The following PRKCE variants were observed in gnomAD, a reference collection of about 807,000 sequenced individuals.
The protein encoded by PRKCE is protein kinase C epsilon.
Under a neutral mutation model 85.4 loss-of-function variants are expected in PRKCE, and 16 were observed. That is an observed-to-expected ratio of 0.19 (90% CI 0.13 to 0.28). The LOEUF is 0.28. Among genes scored for constraint, PRKCE ranks in the 10% least tolerant of loss-of-function variants. The pLI is 1.00. For synonymous variants in PRKCE, 388 were observed against 371.5 expected (o/e 1.04, Z -0.51); for missense variants, 573 against 975.2 (o/e 0.59, Z 5.49).
chr2:45,721,709 C>G (rs371574356), intron 1 of PRKCE, among the ~76,000 whole-genome samples: 47 of 152,030 alleles, frequency 3.1e-4, no homozygotes, highest in African/African-American at 1.1e-3. Flanking sequence ...AACCCCATCT[C>G]CACAAAAAAA....
Position 45,651,784 on chromosome 2 carries a change from G to C in PRKCE, c.-317G>C. 8.8e-6 allele frequency: 2 copies of C among 228,192 alleles called. No individual in the cohort carries two copies. The highest frequency in any genetic ancestry group is 1.7e-5 in the Non-Finnish European group (2 of 116,624). The allele number at this position is 228,192 out of a possible 1,614,324, so 14.1% of individuals were successfully genotyped here. Reference sequence around the variant, plus strand: ...AGCGAGGCGGCGAGGCAGCCCCCGCGGCTTGCAGCGGAGCCGACAGCTCGT... The same window carrying C: ...AGCGAGGCGGCGAGGCAGCCCCCGCCGCTTGCAGCGGAGCCGACAGCTCGT... On this transcript the variant is annotated 5_prime_UTR_variant, in exon 1 of 15. Coordinates refer to ENST00000306156, the MANE Select transcript of PRKCE (RefSeq NM_005400.3).
In PRKCE at chr2:45,895,263, G is replaced by C. The variant is rs1388846590; in HGVS notation, c.412+52200G>C. Among the ~76,000 whole-genome samples the C allele has an allele frequency of 6.6e-6, 1 of 152,162 alleles. No homozygotes were observed. The highest frequency in any genetic ancestry group is 2.4e-5 in the African/African-American group (1 of 41,440). On this transcript the variant is annotated intron_variant, in intron 2 of 14. Transcript: ENST00000306156. This position sits in a 1 kb window ranked among gnomAD's most constrained non-coding sequence, Gnocchi z 4.8. ...ACTTCTGGCCACTGTCGGTTGTAGA[G>C]GTGCCCCTTCAGTACACACACAGCT...
At chr2:45,678,107 A>C (rs1045948270) in intron 1 of PRKCE, among the ~76,000 whole-genome samples, 3 of 152,126 alleles carry the variant, frequency 2.0e-5, no homozygotes, top group Non-Finnish European at 4.4e-5. Context: ...TGCCTTTCTC[A>C]CCAATTTCTT....
intron 1 of PRKCE, among the ~76,000 whole-genome samples, chr2:45,678,909 T>C (rs1676676001): frequency 6.6e-6 from 1 of 152,234 alleles, no homozygotes; most frequent in Non-Finnish European, 1.5e-5. Flanking sequence ...TTCATCCTTG[T>C]TGAGGCCTAG....
At chr2:45,743,748 G>A (rs1368181490) in intron 1 of PRKCE, among the ~76,000 whole-genome samples, 1 of 152,154 alleles carries the variant, frequency 6.6e-6, no homozygotes, top group Non-Finnish European at 1.5e-5. Flanking sequence ...ACTGTGTTTA[G>A]TCCAGATACT....
intron 2 of PRKCE, among the ~76,000 whole-genome samples, chr2:45,903,466 G>A (rs1696720793): frequency 6.6e-6 from 1 of 152,188 alleles, no homozygotes; most frequent in South Asian, 2.1e-4. Context: ...GGGAAGATGA[G>A]GCCGAAAGAC....
intron 1 of PRKCE, among the ~76,000 whole-genome samples, chr2:45,759,258 A>G (rs1423412226): frequency 6.6e-6 from 1 of 152,206 alleles, no homozygotes; most frequent in East Asian, 1.9e-4. Flanking sequence ...TCATGGTTTT[A>G]GTATGTCTTG....
chr2:45,667,190 A>C (rs185982222), intron 1 of PRKCE, among the ~76,000 whole-genome samples: 2,427 of 152,238 alleles, frequency 0.016, 67 homozygotes, highest in African/African-American at 0.056. Flanking sequence ...ACACACCTGT[A>C]ATCCCAGCTA....
At chr2:45,860,577 A>G (rs1032129549) in intron 2 of PRKCE, among the ~76,000 whole-genome samples, 2 of 152,114 alleles carry the variant, frequency 1.3e-5, no homozygotes, top group Non-Finnish European at 2.9e-5. Flanking sequence ...CTTTGTTACT[A>G]TAGGAACAAG....
chr2:45,706,510 G>A (rs1679127808), intron 1 of PRKCE, among the ~76,000 whole-genome samples: 1 of 152,226 alleles, frequency 6.6e-6, no homozygotes, highest in Non-Finnish European at 1.5e-5. Context: ...ACTGAGAGGT[G>A]TCTGAGAAGA....
intron 11 of PRKCE, among the ~76,000 whole-genome samples, chr2:46,128,157 C>G (rs1256046579): frequency 6.6e-6 from 1 of 152,168 alleles, no homozygotes; most frequent in Non-Finnish European, 1.5e-5. Flanking sequence ...GGTTCCCCCT[C>G]TAGTTTTTGT....
At chr2:46,059,682 C>T (rs1666925611) in intron 10 of PRKCE, among the ~76,000 whole-genome samples, 1 of 152,144 alleles carries the variant, frequency 6.6e-6, no homozygotes, top group Non-Finnish European at 1.5e-5. Context: ...AGCCAGATGC[C>T]TAGAGTGTCA....
chr2:45,682,640 G>A (rs1308270394), intron 1 of PRKCE, among the ~76,000 whole-genome samples: 2 of 152,026 alleles, frequency 1.3e-5, no homozygotes, highest in African/African-American at 4.8e-5. Flanking sequence ...AGGCTGGAGT[G>A]CAATGGCGCG....
intron 1 of PRKCE, among the ~76,000 whole-genome samples, chr2:45,746,997 A>G (rs6716268): frequency 0.76 from 115,399 of 152,078 alleles, 44,189 homozygotes; most frequent in African/African-American, 0.86. Context: ...CCACTGTGCA[A>G]CTGAACTGAT....
At chr2:45,960,090 C>T (rs1410831866) in intron 2 of PRKCE, among the ~76,000 whole-genome samples, 1 of 152,100 alleles carries the variant, frequency 6.6e-6, no homozygotes, top group African/African-American at 2.4e-5. Flanking sequence ...ATCTTTAGAC[C>T]ACCTGTTAGA....
chr2:46,101,499 G>A (rs1394170207), intron 11 of PRKCE, among the ~76,000 whole-genome samples: 1 of 152,190 alleles, frequency 6.6e-6, no homozygotes, highest in Non-Finnish European at 1.5e-5. Flanking sequence ...CACCAAATGG[G>A]TCTGTGGCTC....
intron 2 of PRKCE, among the ~76,000 whole-genome samples, chr2:45,855,039 T>C (rs1054823481): frequency 2.0e-5 from 3 of 152,236 alleles, no homozygotes; most frequent in Non-Finnish European, 4.4e-5. Context: ...AATGAGCATT[T>C]TGAAATATCG....
rs150771442 is a variant in PRKCE, at chr2:45,893,749, C to A, written c.412+50686C>A. Reference sequence around the variant, plus strand: ...CTCTTATTTGCCCACTCATTGATCCCCCTGCAAATACTCACTTGAACTGCA... The same window carrying A: ...CTCTTATTTGCCCACTCATTGATCCACCTGCAAATACTCACTTGAACTGCA... On this transcript the variant is annotated intron_variant, in intron 2 of 14. Transcript: ENST00000306156. 2.4e-3 allele frequency among the ~76,000 whole-genome samples: 368 copies of A among 152,248 alleles called. 9 individuals are homozygous for A. Among genetic ancestry groups the A allele is most frequent in the Admixed American group, 0.014 (220 of 15,298 alleles).
intron 10 of PRKCE, among the ~76,000 whole-genome samples, chr2:46,085,736 GTTTTTTTTTTTT>G (rs1669550855): frequency 9.6e-6 from 1 of 104,564 alleles, no homozygotes. Flanking sequence ...TGCAAAATCC[GTTTTTTTTTTTT>G]GTTTTTGTTT....
Sources: gnomAD v4.1 joint callset for allele counts (sites outside exome capture counted in the v4.1 genomes callset) on GRCh38, gnomAD v4.1.1 for gene constraint, Gnocchi (gnomAD v3.1) non-coding constraint, MANE v1.5 for transcripts, NCBI Gene and HGNC (gene_info 2026-07-23, HGNC 2026-07-21) for gene names.